The following PPM1H variants were observed in gnomAD, a reference collection of about 807,000 sequenced individuals.
PPM1H encodes protein phosphatase, Mg2+/Mn2+ dependent 1H, also known as protein phosphatase 1H.
Under a neutral mutation model 54.9 loss-of-function variants are expected in PPM1H, and 27 were observed. The observed-to-expected ratio is 0.49, with a 90% CI of 0.36 to 0.68. The LOEUF (loss-of-function observed/expected upper bound fraction) is 0.68, where lower values mean the gene tolerates loss of function less well. Among genes scored for constraint, PPM1H ranks in the 30% least tolerant of loss-of-function variants. PPM1H has a pLI of 0.00. For synonymous variants in PPM1H, 305 were observed against 270.8 expected (o/e 1.13, Z -1.24); for missense variants, 596 against 667.8 (o/e 0.89, Z 1.19).
rs1348410887 is a variant in PPM1H, at chr12:62,644,902, G to A, written c.*3587C>T. 1 of 152,224 alleles carries A rather than the reference G, an allele frequency of 6.6e-6. No individual in the cohort carries two copies. Among genetic ancestry groups the A allele is most frequent in the African/African-American group, 2.4e-5 (1 of 41,464 alleles). The allele number at this position is 152,224 out of a possible 1,614,324, so 9.4% of individuals were successfully genotyped here. A position where few individuals can be genotyped will look rare whatever the true frequency, so the allele number is the denominator to read the frequency against. ...ATGACTCTCACAGCTTTCTCCAAGTGTCCCAGAAGCACTAACTTACTGAAA... is the reference window on the plus strand; with the variant it reads ...ATGACTCTCACAGCTTTCTCCAAGTATCCCAGAAGCACTAACTTACTGAAA... On this transcript the variant is annotated 3_prime_UTR_variant, in exon 10 of 10. Transcript: ENST00000228705.
chr12:62,803,092 C>T (rs901847251), intron 2 of PPM1H, among the ~76,000 whole-genome samples: 1 of 152,214 alleles, frequency 6.6e-6, no homozygotes, highest in Non-Finnish European at 1.5e-5. Flanking sequence ...CCTAGACAGC[C>T]AGTCTAGCCC....
At chr12:62,652,832 A>T (rs763137774) in intron 9 of PPM1H, among the ~76,000 whole-genome samples, 2 of 152,194 alleles carry the variant, frequency 1.3e-5, no homozygotes, top group Non-Finnish European at 2.9e-5. Flanking sequence ...CCAACATACT[A>T]ACTTCTTTGC....
chr12:62,879,756 TATAATA>T (rs560059829), intron 1 of PPM1H, among the ~76,000 whole-genome samples: 119 of 151,880 alleles, frequency 7.8e-4, no homozygotes, highest in African/African-American at 2.8e-3. Context: ...GAACTTAAAG[TATAATA>T]ATAATAATAA....
intron 1 of PPM1H, among the ~76,000 whole-genome samples, chr12:62,852,249 A>C (rs1013810621): frequency 5.3e-5 from 8 of 149,896 alleles, no homozygotes; most frequent in Non-Finnish European, 1.2e-4. Flanking sequence ...AAAAAAAAAA[A>C]AAGAGATGGG....
At chr12:62,704,063 A>G (rs1402160921) in intron 6 of PPM1H, among the ~76,000 whole-genome samples, 2 of 151,080 alleles carry the variant, frequency 1.3e-5, no homozygotes, top group African/African-American at 2.4e-5. Flanking sequence ...AGATCTTACT[A>G]TTATATTTTA....
intron 1 of PPM1H, among the ~76,000 whole-genome samples, chr12:62,841,771 C>G (rs922429568): frequency 3.3e-5 from 5 of 152,044 alleles, no homozygotes; most frequent in Non-Finnish European, 1.5e-5. Flanking sequence ...AACTTCTATC[C>G]CCTTCACCAA....
intron 4 of PPM1H, among the ~76,000 whole-genome samples, chr12:62,756,793 C>T (rs529273994): frequency 6.6e-6 from 1 of 152,048 alleles, no homozygotes; most frequent in East Asian, 1.9e-4. Context: ...ACTGTGGGAG[C>T]AGCCTCTATA....
chr12:62,924,217 G>C (rs1871896495), intron 1 of PPM1H, among the ~76,000 whole-genome samples: 1 of 152,178 alleles, frequency 6.6e-6, no homozygotes, highest in Non-Finnish European at 1.5e-5. Flanking sequence ...CCAGAGTGGG[G>C]GGGGCAGTAG....
At chr12:62,831,297 C>T (rs1868353507) in intron 2 of PPM1H, among the ~76,000 whole-genome samples, 1 of 152,106 alleles carries the variant, frequency 6.6e-6, no homozygotes, top group Non-Finnish European at 1.5e-5. Flanking sequence ...CTGATTTTCC[C>T]AGGAAACATC....
intron 5 of PPM1H, among the ~76,000 whole-genome samples, chr12:62,728,749 T>C (rs534367665): frequency 6.6e-6 from 1 of 151,952 alleles, no homozygotes; most frequent in East Asian, 1.9e-4. Flanking sequence ...GAAAAAAGGG[T>C]AGCCGGAAGC....
intron 8 of PPM1H, among the ~76,000 whole-genome samples, chr12:62,671,702 A>T (rs1451239578): frequency 6.6e-6 from 1 of 152,206 alleles, no homozygotes; most frequent in Non-Finnish European, 1.5e-5. Context: ...CATCTGAGCG[A>T]GTCAATTTCC....
chr12:62,916,236 T>G (rs776842322), intron 1 of PPM1H, among the ~76,000 whole-genome samples: 8 of 152,244 alleles, frequency 5.3e-5, no homozygotes, highest in Non-Finnish European at 8.8e-5. Context: ...CTGAATGGTT[T>G]TCTGTCAACC....
At chr12:62,734,523 C>T (rs909712873) in intron 5 of PPM1H, among the ~76,000 whole-genome samples, 1 of 152,138 alleles carries the variant, frequency 6.6e-6, no homozygotes, top group Admixed American at 6.5e-5. Flanking sequence ...AGATCTGAAG[C>T]CACATGCATC....
At chr12:62,868,313 T>C (rs1416496965) in intron 1 of PPM1H, among the ~76,000 whole-genome samples, 1 of 152,198 alleles carries the variant, frequency 6.6e-6, no homozygotes, top group Non-Finnish European at 1.5e-5. Context: ...ATGTAACATC[T>C]GAGCCTGAAC....
intron 3 of PPM1H, among the ~76,000 whole-genome samples, chr12:62,792,720 C>T (rs544902302): frequency 1.3e-5 from 2 of 152,308 alleles, no homozygotes; most frequent in South Asian, 4.2e-4. Flanking sequence ...GCTTCCCTCC[C>T]CCTCCTCCCT....
At chr12:62,876,125 C>G (rs1397246946) in intron 1 of PPM1H, among the ~76,000 whole-genome samples, 1 of 152,116 alleles carries the variant, frequency 6.6e-6, no homozygotes, top group African/African-American at 2.4e-5. Flanking sequence ...CCTGTCCAAC[C>G]AAATCAGGAT....
intron 1 of PPM1H, among the ~76,000 whole-genome samples, chr12:62,902,801 G>A (rs1261033855): frequency 6.6e-6 from 1 of 152,210 alleles, no homozygotes; most frequent in Non-Finnish European, 1.5e-5. Context: ...TAATAATTAT[G>A]AGTAGTACTA....
chr12:62,761,327 C>T (rs978855261), intron 4 of PPM1H, among the ~76,000 whole-genome samples: 4 of 152,122 alleles, frequency 2.6e-5, no homozygotes, highest in East Asian at 1.9e-4. Context: ...CTGTTTCAAA[C>T]CTGTATGCAG....
chr12:62,758,434 A>G (rs969675232), intron 4 of PPM1H, among the ~76,000 whole-genome samples: 1 of 152,100 alleles, frequency 6.6e-6, no homozygotes, highest in Admixed American at 6.5e-5. Flanking sequence ...TTGTGTGTTT[A>G]TTTGTAGTTA....
Sources: allele counts gnomAD v4.1 joint callset (sites outside exome capture counted in the v4.1 genomes callset), GRCh38; gene constraint gnomAD v4.1.1; transcripts MANE v1.5; gene names NCBI Gene and HGNC (gene_info 2026-07-23, HGNC 2026-07-21).